TEX26: variants seen among roughly 807,000 people sequenced by gnomAD.
TEX26 encodes the protein testis expressed 26, also known as testis-expressed protein 26.
In TEX26, 34 loss-of-function variants were observed where a neutral mutation model predicts 35.3. The observed-to-expected ratio is 0.96, with a 90% CI of 0.73 to 1.28. The LOEUF (loss-of-function observed/expected upper bound fraction) is 1.28. Among genes scored for constraint, TEX26 ranks in the 50% most tolerant of loss-of-function variants. The pLI, the probability that TEX26 is intolerant of heterozygous loss-of-function variation, is 0.00. For missense variants in TEX26, 371 were observed against 330.1 expected, an observed-to-expected ratio of 1.12 and a Z score of -0.96; for synonymous variants, 136 against 111.8, an observed-to-expected ratio of 1.22 and a Z score of -1.36.
chr13:30,958,104 C>T (rs1015771592), intron 4 of TEX26, among the ~76,000 whole-genome samples: 4 of 152,220 alleles, frequency 2.6e-5, no homozygotes, highest in African/African-American at 7.2e-5. Context: ...AATCTAGATT[C>T]TCTCATGCTT....
intron 3 of TEX26, among the ~76,000 whole-genome samples, chr13:30,954,784 G>A (rs1954065015): frequency 6.6e-6 from 1 of 152,148 alleles, no homozygotes; most frequent in African/African-American, 2.4e-5. Flanking sequence ...AATTAATGTA[G>A]AAGAGTTGAT....
chr13:30,940,747 G>A (rs1953465342), intron 2 of TEX26, among the ~76,000 whole-genome samples: 1 of 152,006 alleles, frequency 6.6e-6, no homozygotes, highest in Admixed American at 6.5e-5. Context: ...CCTTAAGCCT[G>A]GACAACATGG....
chr13:30,957,092 C>A, intron 4 of TEX26, 63 bp downstream of exon 4: 2 of 1,511,978 alleles, frequency 1.3e-6, no homozygotes, highest in South Asian at 1.2e-5. Flanking sequence ...TTGCAGTGGT[C>A]GGCAGCATGC....
chr13:30,947,250 A>G (rs759526584), intron 2 of TEX26, among the ~76,000 whole-genome samples: 1 of 152,176 alleles, frequency 6.6e-6, no homozygotes, highest in Admixed American at 6.5e-5. Context: ...TTAGTTTTCA[A>G]TTAGTTCCTA....
chr13:30,941,356 T>C (rs1953503383), intron 2 of TEX26, among the ~76,000 whole-genome samples: 1 of 152,216 alleles, frequency 6.6e-6, no homozygotes, highest in Admixed American at 6.5e-5. Context: ...GCCATCTATA[T>C]AACTGTAACA....
chr13:30,974,607 C>T (rs187933304), intron 6 of TEX26, among the ~76,000 whole-genome samples: 13 of 152,294 alleles, frequency 8.5e-5, no homozygotes, highest in African/African-American at 2.6e-4. Flanking sequence ...TTCTGAAATT[C>T]GTGTTCTGTC....
intron 6 of TEX26, among the ~76,000 whole-genome samples, chr13:30,974,359 A>G (rs1954815925): frequency 6.6e-6 from 1 of 152,032 alleles, no homozygotes; most frequent in African/African-American, 2.4e-5. Flanking sequence ...AATAATTTCT[A>G]TTATCATCAC....
At chr13:30,953,521 C>T (rs1411080166) in intron 3 of TEX26, among the ~76,000 whole-genome samples, 3 of 152,168 alleles carry the variant, frequency 2.0e-5, no homozygotes, top group African/African-American at 7.2e-5. Context: ...GGATTGTTTC[C>T]ACCTTTTGGC....
rs9533168 is a variant in TEX26 at position 30,968,931 on chromosome 13, G to T, written c.693G>T (p.Lys231Asn). The change falls in exon 6 of 7, where the codon AAG (lysine) becomes AAT (asparagine). Residue 231 changes from lysine to asparagine, a missense_variant. By Grantham distance (94) the Lys-to-Asn change is moderately conservative. Transcript: ENST00000380473. Reference protein sequence around the residue: ...HSYLRNQEHTKKQTTYQSDYD... With the variant: ...HSYLRNQEHTNKQTTYQSDYD... Reference sequence around the variant, plus strand: ...ACCTGAGGAACCAAGAGCACACAAAGAAACAGACCACATACCAAAGTGACT... The same window carrying T: ...ACCTGAGGAACCAAGAGCACACAAATAAACAGACCACATACCAAAGTGACT... 8.0e-3 allele frequency: 12,888 copies of T among 1,614,084 alleles called. 65 individuals carry two copies. Among genetic ancestry groups the T allele is most frequent in the Non-Finnish European group, 9.7e-3 (11,401 of 1,179,978 alleles).
rs113922208 is a variant in TEX26 at position 30,968,842 on chromosome 13, G to A, written c.647-43G>A. On this transcript the variant is annotated intron_variant, in intron 5 of 6. Coordinates refer to ENST00000380473, the MANE Select transcript of TEX26 (RefSeq NM_152325.3). The stretch of plus-strand genomic sequence containing the variant: ...AATAAGGGCAAGACTGGTGTGCTTG[G>A]GTGCCAGCCTTCCGACCTCTCCTCC... The A allele has an allele frequency of 1.8e-5, 29 of 1,587,570 alleles. No homozygotes were observed. The African/African-American group carries it at 2.4e-4, about 13-fold the overall frequency.
chr13:30,947,876 C>T (rs940770138), intron 2 of TEX26, among the ~76,000 whole-genome samples: 11 of 151,990 alleles, frequency 7.2e-5, no homozygotes, highest in African/African-American at 2.7e-4. Context: ...TCTCGTAATG[C>T]TATCCCTCCC....
intron 2 of TEX26, among the ~76,000 whole-genome samples, chr13:30,948,962 T>C (rs1293672410): frequency 1.3e-5 from 2 of 152,222 alleles, no homozygotes; most frequent in African/African-American, 2.4e-5. Flanking sequence ...TACATATGGC[T>C]AGCCAGTTTT....
rs1165222376 is a variant in TEX26 at position 30,966,331 on chromosome 13, T to C, written c.579T>C (p.Pro193=). ...RRNYQIPAKI[P]ELQDFSFKYG... Reference sequence around the variant, plus strand: ...ATTACCAAATTCCAGCTAAAATTCCTGAGCTTCAAGATTTCAGTTTCAAAT... The same window carrying C: ...ATTACCAAATTCCAGCTAAAATTCCCGAGCTTCAAGATTTCAGTTTCAAAT... The change falls in exon 5 of 7, where the codon CCT becomes CCC. Residue 193 remains proline (P), a synonymous_variant. Coordinates refer to ENST00000380473, the MANE Select transcript of TEX26 (RefSeq NM_152325.3). The C allele has an allele frequency of 1.2e-6, 2 of 1,614,112 alleles. No individual in the cohort carries two copies. Among genetic ancestry groups the C allele is most frequent in the South Asian group, 2.2e-5 (2 of 91,084 alleles).
At chr13:30,947,405 G>A (rs543987172) in intron 2 of TEX26, among the ~76,000 whole-genome samples, 4 of 152,174 alleles carry the variant, frequency 2.6e-5, no homozygotes, top group African/African-American at 9.6e-5. Flanking sequence ...GCAAATGAAA[G>A]GAGTTTTAGT....
chr13:30,968,582 A>G (rs992938503), intron 5 of TEX26, among the ~76,000 whole-genome samples: 1 of 152,192 alleles, frequency 6.6e-6, no homozygotes, highest in African/African-American at 2.4e-5. Context: ...ACTGACCTGC[A>G]TAAGAGTCAA....
At chr13:30,958,913 C>T (rs1438248795) in intron 4 of TEX26, among the ~76,000 whole-genome samples, 1 of 152,180 alleles carries the variant, frequency 6.6e-6, no homozygotes, top group Non-Finnish European at 1.5e-5. Context: ...AAGCCCTTAG[C>T]TTTTCATAAA....
intron 1 of TEX26, among the ~76,000 whole-genome samples, chr13:30,938,202 G>T (rs1449428343): frequency 6.6e-6 from 1 of 152,086 alleles, no homozygotes; most frequent in Non-Finnish European, 1.5e-5. Flanking sequence ...GTGAGAGAAT[G>T]ACTGAATTTT....
At chr13:30,961,101 G>T (rs1340100192) in intron 4 of TEX26, among the ~76,000 whole-genome samples, 1 of 152,186 alleles carries the variant, frequency 6.6e-6, no homozygotes, top group Non-Finnish European at 1.5e-5. Context: ...GGCATTCTGA[G>T]AGCAGGAGTG....
At chr13:30,950,709 C>T (rs1953888478) in intron 2 of TEX26, among the ~76,000 whole-genome samples, 1 of 148,836 alleles carries the variant, frequency 6.7e-6, no homozygotes. Flanking sequence ...TATAGCACAA[C>T]CCTTCACTCT....
Sources: allele counts gnomAD v4.1 joint callset (sites outside exome capture counted in the v4.1 genomes callset), GRCh38; gene constraint gnomAD v4.1.1; transcripts MANE v1.5; gene names NCBI Gene and HGNC (gene_info 2026-07-23, HGNC 2026-07-21).